Variants in BAIAP2L1 observed in about 807,000 individuals in gnomAD.
The protein encoded by BAIAP2L1 is BAR/IMD domain-containing adapter protein 2-like 1.
Under a neutral mutation model 66.3 loss-of-function variants are expected in BAIAP2L1, and 35 were observed. The ratio of observed to expected loss-of-function variants is 0.53; its 90% CI spans 0.40 to 0.70. The LOEUF (loss-of-function observed/expected upper bound fraction) is 0.70. Among genes scored for constraint, BAIAP2L1 ranks in the 30% least tolerant of loss-of-function variants. The pLI is 0.00. For synonymous variants in BAIAP2L1, 269 were observed against 248.7 expected, an observed-to-expected ratio of 1.08 and a Z score of -0.77; for missense variants, 622 against 656.9, an observed-to-expected ratio of 0.95 and a Z score of 0.58.
intron 11 of BAIAP2L1, among the ~76,000 whole-genome samples, chr7:98,305,047 GTTTTT>G (rs59633894): frequency 8.0e-5 from 8 of 100,380 alleles, no homozygotes; most frequent in East Asian, 3.6e-4. Context: ...TTTGTTTTTT[GTTTTT>G]TTTTTTTTTT....
In BAIAP2L1 at chr7:98,354,921, T is replaced by C. The variant is rs186426535; in HGVS notation, c.214+121A>G. Reference sequence around the variant, plus strand: ...TCAATTTCCACAGACCGCGGTGAAGTAGAACCACAGCATGCTGGCCCAGAT... The same window carrying C: ...TCAATTTCCACAGACCGCGGTGAAGCAGAACCACAGCATGCTGGCCCAGAT... On this transcript the variant is annotated intron_variant, in intron 3 of 13. Transcript: ENST00000005260. 4.9e-5 allele frequency: 37 copies of C among 747,532 alleles called. No homozygotes were observed. The African/African-American group carries it at 5.2e-4, about 10-fold the overall frequency. 46.3% of individuals were successfully genotyped at this position (747,532 alleles called of 1,614,324 possible). A position where few individuals can be genotyped will look rare whatever the true frequency, so the allele number is the denominator to read the frequency against.
At chr7:98,380,067 C>G (rs1366733505) in intron 1 of BAIAP2L1, among the ~76,000 whole-genome samples, 1 of 151,816 alleles carries the variant, frequency 6.6e-6, no homozygotes, top group African/African-American at 2.4e-5. Flanking sequence ...ATAAATTACA[C>G]CTCAAAAATG....
At chr7:98,307,286 C>T (rs1800695592) in intron 10 of BAIAP2L1, 4 of 556,552 alleles carry the variant, frequency 7.2e-6, no homozygotes, top group South Asian at 1.0e-4. Flanking sequence ...TTGTATTTTT[C>T]GTAGAGATGG....
chr7:98,378,388 G>A (rs1352421248), intron 1 of BAIAP2L1, among the ~76,000 whole-genome samples: 1 of 152,130 alleles, frequency 6.6e-6, no homozygotes, highest in African/African-American at 2.4e-5. Context: ...GACATTCCCT[G>A]CAGCTGCATG....
intron 3 of BAIAP2L1, among the ~76,000 whole-genome samples, chr7:98,335,949 C>G (rs922786482): frequency 1.3e-5 from 2 of 152,204 alleles, no homozygotes; most frequent in African/African-American, 4.8e-5. Flanking sequence ...GAATGATAGA[C>G]AGGGGGTCTA....
intron 3 of BAIAP2L1, among the ~76,000 whole-genome samples, chr7:98,333,217 T>C (rs1584463778): frequency 6.6e-6 from 1 of 152,320 alleles, no homozygotes; most frequent in Admixed American, 6.5e-5. Flanking sequence ...ACTAGAATGT[T>C]AGTTCCCTGA....
At chr7:98,313,149 ACCCCCAACTGTCACC>A (rs1800936112) in intron 7 of BAIAP2L1, among the ~76,000 whole-genome samples, 1 of 25,092 alleles carries the variant, frequency 4.0e-5, no homozygotes, top group East Asian at 1.2e-3. Context: ...CTGTCACCCC[ACCCCCAACTGTCACC>A]CTGACACTCT....
At chr7:98,363,554 CTATT>C (rs1802321430) in intron 1 of BAIAP2L1, among the ~76,000 whole-genome samples, 1 of 152,190 alleles carries the variant, frequency 6.6e-6, no homozygotes, top group Non-Finnish European at 1.5e-5. Context: ...AGACAAATAA[CTATT>C]TAGGACGTGG....
At chr7:98,347,021 C>A (rs1284079360) in intron 3 of BAIAP2L1, among the ~76,000 whole-genome samples, 1 of 144,686 alleles carries the variant, frequency 6.9e-6, no homozygotes, top group Non-Finnish European at 1.5e-5. Context: ...ACAACAACAA[C>A]AAAACAAAAC....
intron 3 of BAIAP2L1, among the ~76,000 whole-genome samples, chr7:98,351,033 AT>A (rs969778932): frequency 6.6e-6 from 1 of 151,426 alleles, no homozygotes; most frequent in Non-Finnish European, 1.5e-5. Flanking sequence ...ATTTTTTGGT[AT>A]TTTTTTTAGT....
chr7:98,299,310 C>T (rs1012300761), intron 12 of BAIAP2L1, among the ~76,000 whole-genome samples: 9 of 151,210 alleles, frequency 6.0e-5, no homozygotes, highest in African/African-American at 2.2e-4. Context: ...TGAGCCACCA[C>T]GCCTGACTGG....
Position 98,370,513 on chromosome 7 carries a change from CTTTT to C in BAIAP2L1, c.52-8085_52-8082del, listed in dbSNP as rs967710287. On this transcript the variant is annotated intron_variant, in intron 1 of 13. Coordinates refer to ENST00000005260, the MANE Select transcript of BAIAP2L1 (RefSeq NM_018842.5). Reference sequence around the variant, plus strand: ...AAATGTTCCCTCCCAGAAATTTTGGCTTTTTTTTTGAGACAGAGTCTCGCACTGT... The same window carrying C: ...AAATGTTCCCTCCCAGAAATTTTGGCTTTTTGAGACAGAGTCTCGCACTGT... 3.3e-5 allele frequency among the ~76,000 whole-genome samples: 5 copies of C among 150,398 alleles called. No homozygotes were observed. The South Asian group carries it at 1.1e-3, about 32-fold the overall frequency.
At chr7:98,333,506 G>A (rs1189336012) in intron 3 of BAIAP2L1, among the ~76,000 whole-genome samples, 2 of 151,996 alleles carry the variant, frequency 1.3e-5, no homozygotes, top group East Asian at 1.9e-4. Context: ...TGTCGAGGCA[G>A]GAGAATCACT....
intron 3 of BAIAP2L1, among the ~76,000 whole-genome samples, chr7:98,335,826 G>T (rs1292808274): frequency 6.6e-6 from 1 of 151,946 alleles, no homozygotes; most frequent in Non-Finnish European, 1.5e-5. Flanking sequence ...ACACTGCAGC[G>T]GCACAGCCGT....
chr7:98,339,828 C>T (rs7812180), intron 3 of BAIAP2L1, among the ~76,000 whole-genome samples: 50,440 of 152,118 alleles, frequency 0.33, 11,077 homozygotes, highest in Middle Eastern at 0.52. Flanking sequence ...AAATCCACAC[C>T]TATTTGTAAG....
chr7:98,391,000 ATTTT>A (rs10538495), intron 1 of BAIAP2L1, among the ~76,000 whole-genome samples: 35 of 144,320 alleles, frequency 2.4e-4, no homozygotes, highest in Admixed American at 2.0e-3. Context: ...CACCCAGCTA[ATTTT>A]TTTTTTTTTT....
At chr7:98,351,084 C>T (rs1452670023) in intron 3 of BAIAP2L1, among the ~76,000 whole-genome samples, 1 of 152,136 alleles carries the variant, frequency 6.6e-6, no homozygotes, top group East Asian at 1.9e-4. Flanking sequence ...TAGGCTCGAA[C>T]TCCTGACCTC....
intron 1 of BAIAP2L1, among the ~76,000 whole-genome samples, chr7:98,395,972 T>G (rs1803198110): frequency 6.6e-6 from 1 of 152,218 alleles, no homozygotes; most frequent in Non-Finnish European, 1.5e-5. Flanking sequence ...GGGTATTAAT[T>G]CTTGTCTTGC....
At chr7:98,308,497 C>T (rs1800749694) in intron 9 of BAIAP2L1, 4 of 363,312 alleles carry the variant, frequency 1.1e-5, no homozygotes, top group South Asian at 8.2e-5. Flanking sequence ...GAAGGTGCTG[C>T]TATTTATTAT....
Sources: gnomAD v4.1 joint callset for allele counts (sites outside exome capture counted in the v4.1 genomes callset) on GRCh38, gnomAD v4.1.1 for gene constraint, MANE v1.5 for transcripts, NCBI Gene and HGNC (gene_info 2026-07-23, HGNC 2026-07-21) for gene names.